The following CCDC22 variants were observed in gnomAD, a reference collection of about 807,000 sequenced individuals.
CCDC22 encodes the protein coiled-coil domain-containing protein 22.
CCDC22 carries 4 observed loss-of-function variants against 53.1 expected under a neutral mutation model. The observed-to-expected ratio is 0.08, with a 90% confidence interval of 0.04 to 0.17. The LOEUF (loss-of-function observed/expected upper bound fraction) is 0.17, where lower values mean the gene tolerates loss of function less well. Ranked by LOEUF, CCDC22 falls within the 10% of genes least tolerant of loss-of-function variation. The pLI, the probability that CCDC22 is intolerant of heterozygous loss-of-function variation, is 1.00. For missense variants in CCDC22, 458 were observed against 554.0 expected (o/e 0.83, Z 1.74); for synonymous variants, 222 against 224.4 (o/e 0.99, Z 0.10).
At chrX:49,239,644 G>A (rs1434877101) in intron 2 of CCDC22, among the ~76,000 whole-genome samples, 1 of 110,367 alleles carries the variant, frequency 9.1e-6, no homozygotes. Context: ...CCATCCCTTC[G>A]CTCTCAGGTT....
rs201880399 is a variant in CCDC22, at chrX:49,248,264, C to T, written c.1166C>T (p.Ala389Val). 4.3e-5 allele frequency: 49 copies of T among 1,133,972 alleles called. 1 individual carries two copies. The South Asian group carries it at 4.9e-4, about 11-fold the overall frequency. The allele number at this position is 1,133,972 out of a possible 1,213,427, so 93.5% of individuals were successfully genotyped here. A position where few individuals can be genotyped will look rare whatever the true frequency, so the allele number is the denominator to read the frequency against. Residue 389 changes from alanine (A) to valine (V), a missense_variant, in exon 10 of 17, where the codon GCG becomes GTG. Physicochemically the swap from Ala to Val is moderately conservative, Grantham distance 64. Around this residue, in one of 4 missense-constraint regions of CCDC22, gnomAD observed 309 missense variants for 312.3 expected, o/e 0.99. Coordinates refer to ENST00000376227, the MANE Select transcript of CCDC22 (RefSeq NM_014008.5). ...REQALRLKSRAVELLPDGTAN... is the reference protein window; with the variant it reads ...REQALRLKSRVVELLPDGTAN... Reference sequence around the variant, plus strand: ...CAGGCCCTGCGCCTGAAGAGCCGCGCGGTGGAGCTGCTGCCCGATGGGACT... The same window carrying T: ...CAGGCCCTGCGCCTGAAGAGCCGCGTGGTGGAGCTGCTGCCCGATGGGACT...
At chrX:49,239,567 A>G (rs1220693906) in intron 2 of CCDC22, among the ~76,000 whole-genome samples, 1 of 111,053 alleles carries the variant, frequency 9.0e-6, no homozygotes, top group African/African-American at 3.3e-5. Context: ...CTGGGTGGCT[A>G]GAGTTGTTAA....
chrX:49,243,516 C>T (rs1259828042), intron 6 of CCDC22, 54 bp downstream of exon 6: 6 of 975,540 alleles, frequency 6.2e-6, no homozygotes, highest in Non-Finnish European at 8.3e-6. Flanking sequence ...ACTGACACTC[C>T]CGCTGGTCCT....
intron 2 of CCDC22, 92 bp from the exon 3 acceptor site, chrX:49,241,924 G>T (rs1025928528): frequency 7.6e-6 from 8 of 1,046,541 alleles, no homozygotes; most frequent in Non-Finnish European, 1.1e-5. Flanking sequence ...GTGGTGGTTA[G>T]TGAGAAAGTG....
intron 8 of CCDC22, 25 bp downstream of exon 8, chrX:49,247,583 G>T (rs1371811361): frequency 2.5e-6 from 3 of 1,190,678 alleles, no homozygotes; most frequent in Non-Finnish European, 3.4e-6. Context: ...TTGGAGGGGG[G>T]TGTCCCAGGC....
At chrX:49,247,603 T>C (rs2065997131) in intron 8 of CCDC22, 45 bp downstream of exon 8, 4 of 1,185,970 alleles carry the variant, frequency 3.4e-6, no homozygotes, top group South Asian at 1.9e-5. Flanking sequence ...CCCTTGCTTG[T>C]CTACTGGGCC....
intron 5 of CCDC22, 47 bp downstream of exon 5, chrX:49,243,231 A>T (rs782519523): frequency 2.5e-6 from 3 of 1,199,042 alleles, no homozygotes; most frequent in African/African-American, 1.7e-5. Context: ...GTGGGGGGGA[A>T]CCTCATAGCG....
intron 1 of CCDC22, among the ~76,000 whole-genome samples, 167 bp downstream of exon 1, chrX:49,235,853 ACACACACACACG>A (rs1178718869): frequency 7.1e-4 from 75 of 106,028 alleles, no homozygotes; most frequent in African/African-American, 2.5e-3. Flanking sequence ...ACACACACAC[ACACACACACACG>A]CACACACACA....
intron 2 of CCDC22, 126 bp from the exon 3 acceptor site, chrX:49,241,890 G>T: frequency 1.4e-6 from 1 of 712,108 alleles, no homozygotes; most frequent in Non-Finnish European, 2.1e-6. Context: ...CAGAGGCCTT[G>T]GGGAGCTGGG....
At chrX:49,243,078 C>G in intron 4 of CCDC22, 40 bp from the exon 5 acceptor site, 1 of 1,184,199 alleles carries the variant, frequency 8.4e-7, no homozygotes. Context: ...AACCCTCATC[C>G]CACTTCACCC....
At position 49,248,646 on chromosome X, in the gene CCDC22, G is replaced by T. The variant is rs782344227; in HGVS notation, c.1343G>T (p.Arg448Leu). The T allele has an allele frequency of 8.3e-7, 1 of 1,209,716 alleles. No individual in the cohort carries two copies. Among genetic ancestry groups the T allele is most frequent in the Non-Finnish European group, 1.1e-6 (1 of 894,782 alleles). ...LQDCRELESS[R>L]RLAEIQELHQ... is the part of the protein sequence containing the mutation. Reference sequence around the variant, plus strand: ...GGCTCATGGCAGCTGGAATCTTCTCGACGGCTGGCAGAGATCCAAGAACTG... The same window carrying T: ...GGCTCATGGCAGCTGGAATCTTCTCTACGGCTGGCAGAGATCCAAGAACTG... Residue 448 changes from arginine to leucine, a missense_variant, in exon 12 of 17, where the codon CGA (arginine) becomes CTA (leucine). By Grantham distance (102) the Arg-to-Leu change is moderately radical (BLOSUM62 -2). Transcript: ENST00000376227.
At chrX:49,236,088 C>G (rs1462767305) in intron 1 of CCDC22, among the ~76,000 whole-genome samples, 1 of 109,253 alleles carries the variant, frequency 9.2e-6, no homozygotes, top group Non-Finnish European at 1.9e-5. Flanking sequence ...AACCAGGGAG[C>G]GTAAAACCCC....
At chrX:49,249,055 C>T in intron 13 of CCDC22, 112 bp from the exon 14 acceptor site, 27 of 1,109,413 alleles carry the variant, frequency 2.4e-5, no homozygotes, top group Non-Finnish European at 3.0e-5. Flanking sequence ...CACAATCCAT[C>T]CCAGTCACCC....
At chrX:49,242,827 T>A in intron 3 of CCDC22, 59 bp from the exon 4 acceptor site, 1 of 739,000 alleles carries the variant, frequency 1.4e-6, no homozygotes, top group South Asian at 3.0e-5. Context: ...TCTCCTAGGG[T>A]ATGCCCTTTT....
chrX:49,245,441 C>T (rs1557114035), intron 6 of CCDC22, among the ~76,000 whole-genome samples: 1 of 111,881 alleles, frequency 8.9e-6, no homozygotes, highest in East Asian at 2.8e-4. Context: ...GGTACGATCT[C>T]AGCTCACTGC....
chrX:49,248,338 G>C (rs1557114686), intron 10 of CCDC22, 28 bp downstream of exon 10: 1 of 1,179,385 alleles, frequency 8.5e-7, no homozygotes, highest in Admixed American at 2.3e-5. Flanking sequence ...GCTGGGCGGA[G>C]AGGGGCAGGG....
chrX:49,237,362 C>T, intron 2 of CCDC22, 99 bp downstream of exon 2: 1 of 804,418 alleles, frequency 1.2e-6, no homozygotes. Context: ...GCAACACTTG[C>T]CTTTCCTCTG....
intron 6 of CCDC22, 110 bp from the exon 7 acceptor site, chrX:49,246,621 T>A: frequency 1.6e-6 from 1 of 614,328 alleles, no homozygotes; most frequent in Non-Finnish European, 2.4e-6. Context: ...GGCTGGAGGG[T>A]GGGGGTGACT....
chrX:49,243,483 C>T (rs782294535), intron 6 of CCDC22, 21 bp downstream of exon 6: 1 of 1,119,580 alleles, frequency 8.9e-7, no homozygotes, highest in Non-Finnish European at 1.2e-6. Flanking sequence ...ATGCCTGGCT[C>T]CCTGCTGTCT....
Sources: gnomAD v4.1 joint callset for allele counts (sites outside exome capture counted in the v4.1 genomes callset) on GRCh38, gnomAD v4.1.1 for gene constraint, gnomAD v4.1.1 regional missense constraint, MANE v1.5 for transcripts, NCBI Gene and HGNC (gene_info 2026-07-23, HGNC 2026-07-21) for gene names.